The following ZNF277 variants were observed in gnomAD, a reference collection of about 807,000 sequenced individuals.
The protein encoded by ZNF277 is nuclear receptor-interacting factor 4.
ZNF277 carries 55 observed loss-of-function variants against 60.7 expected under a neutral mutation model. That is an observed-to-expected ratio of 0.91 (90% confidence interval 0.73 to 1.13). The LOEUF is 1.13. Among genes scored for constraint, ZNF277 ranks in the 50% most tolerant of loss-of-function variants. The pLI is 0.00. For synonymous variants in ZNF277, 178 were observed against 179.3 expected (o/e 0.99, Z 0.06); for missense variants, 510 against 523.0 (o/e 0.98, Z 0.24).
intron 2 of ZNF277, among the ~76,000 whole-genome samples, chr7:112,295,457 T>C (rs1792302505): frequency 2.6e-5 from 4 of 152,192 alleles, no homozygotes; most frequent in Admixed American, 2.0e-4. Context: ...GTTCTTTTGA[T>C]ACATAAGATA....
chr7:112,286,775 G>T (rs761770883), intron 1 of ZNF277, 98 bp from the exon 2 acceptor site: 7 of 996,782 alleles, frequency 7.0e-6, no homozygotes, highest in Non-Finnish European at 1.0e-5. Context: ...ATATCTTTAG[G>T]ATCTTTTTAA....
intron 1 of ZNF277, among the ~76,000 whole-genome samples, chr7:112,241,584 A>G (rs1790956163): frequency 6.6e-6 from 1 of 152,190 alleles, no homozygotes; most frequent in African/African-American, 2.4e-5. Context: ...AATAGCCAAG[A>G]TTTGGAAGCA....
At chr7:112,220,621 CT>C (rs1336554231) in intron 1 of ZNF277, among the ~76,000 whole-genome samples, 1 of 152,208 alleles carries the variant, frequency 6.6e-6, no homozygotes, top group African/African-American at 2.4e-5. Flanking sequence ...TAACTTTTCA[CT>C]GCTGAGTATG....
intron 1 of ZNF277, among the ~76,000 whole-genome samples, chr7:112,248,944 G>A (rs1023677490): frequency 2.0e-5 from 3 of 152,104 alleles, no homozygotes; most frequent in Non-Finnish European, 4.4e-5. Context: ...CTGGATTGAT[G>A]TATCTTTTCT....
At chr7:112,322,219 T>G (rs1236830838) in intron 5 of ZNF277, among the ~76,000 whole-genome samples, 1 of 152,060 alleles carries the variant, frequency 6.6e-6, no homozygotes, top group Non-Finnish European at 1.5e-5. Flanking sequence ...CGAAAAGTTT[T>G]CAGACATTAT....
chr7:112,228,850 T>C (rs578238112), intron 1 of ZNF277, among the ~76,000 whole-genome samples: 1 of 152,246 alleles, frequency 6.6e-6, no homozygotes, highest in Admixed American at 6.5e-5. Context: ...AAGAATCAGG[T>C]TGACATATTC....
At chr7:112,261,446 G>C (rs1791437173) in intron 1 of ZNF277, among the ~76,000 whole-genome samples, 1 of 151,998 alleles carries the variant, frequency 6.6e-6, no homozygotes. Flanking sequence ...TTATGTTTTT[G>C]TTTTTCAGAT....
intron 5 of ZNF277, among the ~76,000 whole-genome samples, chr7:112,320,917 CT>C (rs1230552751): frequency 1.4e-3 from 139 of 98,344 alleles, no homozygotes; most frequent in East Asian, 3.1e-3. Context: ...TTGTTTCTTT[CT>C]TTTTTTTTTT....
intron 1 of ZNF277, among the ~76,000 whole-genome samples, chr7:112,258,080 C>T (rs1003854442): frequency 6.6e-6 from 1 of 151,832 alleles, no homozygotes; most frequent in African/African-American, 2.4e-5. Context: ...CTACTCTATT[C>T]ATTTTAATGA....
intron 1 of ZNF277, among the ~76,000 whole-genome samples, chr7:112,248,899 T>C (rs1274720168): frequency 6.6e-6 from 1 of 152,178 alleles, no homozygotes; most frequent in Non-Finnish European, 1.5e-5. Flanking sequence ...CAGGGACTTC[T>C]CTTCATGGAA....
chr7:112,240,288 C>G (rs1790916205), intron 1 of ZNF277, among the ~76,000 whole-genome samples: 1 of 151,990 alleles, frequency 6.6e-6, no homozygotes. Context: ...GTTAAAAAAG[C>G]TTTTACACAG....
At chr7:112,211,848 A>G (rs773212867) in intron 1 of ZNF277, among the ~76,000 whole-genome samples, 13 of 152,192 alleles carry the variant, frequency 8.5e-5, no homozygotes, top group Non-Finnish European at 1.3e-4. Flanking sequence ...GAACTTCTTG[A>G]GGTCAAGAGT....
At chr7:112,326,406 C>T (rs956737484) in intron 5 of ZNF277, among the ~76,000 whole-genome samples, 2 of 152,092 alleles carry the variant, frequency 1.3e-5, no homozygotes, top group African/African-American at 4.8e-5. Context: ...ACCACACTGC[C>T]TACAAGAGGC....
chr7:112,248,508 A>G (rs1322855079), intron 1 of ZNF277, among the ~76,000 whole-genome samples: 1 of 152,256 alleles, frequency 6.6e-6, no homozygotes, highest in East Asian at 1.9e-4. Flanking sequence ...ATAATAATGC[A>G]TTTATAATAA....
intron 1 of ZNF277, among the ~76,000 whole-genome samples, chr7:112,273,791 T>C (rs550495828): frequency 6.6e-6 from 1 of 152,292 alleles, no homozygotes; most frequent in African/African-American, 2.4e-5. Context: ...AAGGTAGCTC[T>C]ATTTTTTTTC....
chr7:112,210,774 C>T (rs921687573), intron 1 of ZNF277, among the ~76,000 whole-genome samples: 1 of 152,094 alleles, frequency 6.6e-6, no homozygotes, highest in Non-Finnish European at 1.5e-5. Flanking sequence ...ACCTGGCACA[C>T]TAGGTCAAGG....
In ZNF277 at chr7:112,340,884, A is replaced by G; in HGVS notation, c.1022A>G (p.Tyr341Cys). The G allele has an allele frequency of 6.8e-6, 11 of 1,609,738 alleles. No homozygotes were observed. Among genetic ancestry groups the G allele is most frequent in the South Asian group, 1.1e-5 (1 of 89,444 alleles). The change falls in exon 11 of 12, where the codon TAT becomes TGT. Residue 341 changes from tyrosine (Y) to cysteine (C), a missense_variant. Transcript: ENST00000361822. ...TTGTCATTTTCAGGATTAAATTTCT[A>G]TCAGCAAGTGAAACTGGTCAATTTT... ...KIKSELGLNF[Y>C]QQVKLVNFIR...
At chr7:112,273,268 C>CTAAA (rs763401828) in intron 1 of ZNF277, among the ~76,000 whole-genome samples, 11 of 152,162 alleles carry the variant, frequency 7.2e-5, no homozygotes, top group Admixed American at 3.3e-4. Flanking sequence ...TAGGGATGGT[C>CTAAA]TAAATGCTCT....
chr7:112,208,596 C>CTT (rs774920648), intron 1 of ZNF277, among the ~76,000 whole-genome samples: 54 of 109,516 alleles, frequency 4.9e-4, no homozygotes, highest in African/African-American at 1.2e-3. Context: ...TCTTCTTCTT[C>CTT]TTTTTTTTTT....
Sources: allele counts gnomAD v4.1 joint callset (sites outside exome capture counted in the v4.1 genomes callset), GRCh38; gene constraint gnomAD v4.1.1; transcripts MANE v1.5; gene names NCBI Gene and HGNC (gene_info 2026-07-23, HGNC 2026-07-21).